CCDC178: variants seen among roughly 807,000 people sequenced by gnomAD.
CCDC178 encodes the protein coiled-coil domain containing 178, also known as coiled-coil domain-containing protein 178.
A neutral mutation model predicts 117.4 loss-of-function variants in CCDC178; 126 were observed. The observed-to-expected ratio is 1.07, with a 90% CI of 0.93 to 1.24. CCDC178 has a LOEUF of 1.24. Among genes scored for constraint, CCDC178 ranks in the 50% most tolerant of loss-of-function variants. The pLI, the probability that CCDC178 is intolerant of heterozygous loss-of-function variation, is 0.00. For synonymous variants in CCDC178, 283 were observed against 313.4 expected (o/e 0.90, Z 1.02); for missense variants, 1,030 against 986.9 (o/e 1.04, Z -0.59).
chr18:32,937,845 A>C lies in CCDC178; in HGVS notation c.*166T>G. On this transcript the variant is annotated 3_prime_UTR_variant, in exon 23 of 23. Coordinates refer to ENST00000383096, the MANE Select transcript of CCDC178 (RefSeq NM_001105528.4). ...AAAGTCACCTGTTTCATTGTTATGGATTTGCTGTGAGTAAAAGAGTGGCAA... is the reference window on the plus strand; with the variant it reads ...AAAGTCACCTGTTTCATTGTTATGGCTTTGCTGTGAGTAAAAGAGTGGCAA... 1 of 603,562 alleles carries C rather than the reference A, an allele frequency of 1.7e-6. No individual in the cohort carries two copies. Among genetic ancestry groups the C allele is most frequent in the South Asian group, 2.1e-5 (1 of 48,408 alleles). 37.4% of individuals were successfully genotyped at this position (603,562 alleles called of 1,614,324 possible).
chr18:33,285,975 A>ATTTTTTTTT (rs60956262), intron 12 of CCDC178, among the ~76,000 whole-genome samples: 1 of 138,086 alleles, frequency 7.2e-6, no homozygotes. Context: ...AGCAATGTGT[A>ATTTTTTTTT]TTTTTTTTTT....
intron 20 of CCDC178, among the ~76,000 whole-genome samples, chr18:33,140,920 G>T (rs574353866): frequency 6.6e-6 from 1 of 152,142 alleles, no homozygotes. Flanking sequence ...CCCATAGGAG[G>T]TGATTGAGTT....
intron 5 of CCDC178, among the ~76,000 whole-genome samples, chr18:33,386,784 G>A (rs2063498420): frequency 6.6e-6 from 1 of 152,094 alleles, no homozygotes; most frequent in South Asian, 2.1e-4. Flanking sequence ...AAAACAGGAA[G>A]CATTCCCCTT....
At chr18:33,266,871 A>C in intron 14 of CCDC178, 45 bp downstream of exon 14, 1 of 1,434,416 alleles carries the variant, frequency 7.0e-7, no homozygotes, top group Non-Finnish European at 9.4e-7. Context: ...TGTATTTAAC[A>C]TATTGGATTA....
chr18:32,945,365 G>A (rs1452070689), intron 22 of CCDC178, among the ~76,000 whole-genome samples: 1 of 152,172 alleles, frequency 6.6e-6, no homozygotes, highest in South Asian at 2.1e-4. Flanking sequence ...TTATTTGTCT[G>A]ATTTACTTTA....
At chr18:33,084,358 T>C (rs1169615770) in intron 21 of CCDC178, among the ~76,000 whole-genome samples, 1 of 152,240 alleles carries the variant, frequency 6.6e-6, no homozygotes, top group Non-Finnish European at 1.5e-5. Context: ...TGTGCTGTTT[T>C]ATTGTCTTTT....
intron 21 of CCDC178, among the ~76,000 whole-genome samples, chr18:33,017,926 A>G (rs2056028417): frequency 6.6e-6 from 1 of 152,012 alleles, no homozygotes; most frequent in Admixed American, 6.6e-5. Flanking sequence ...AAAAAAAAAG[A>G]TAGATTGAAA....
At chr18:33,208,445 G>T (rs1248333860) in intron 20 of CCDC178, among the ~76,000 whole-genome samples, 1 of 151,938 alleles carries the variant, frequency 6.6e-6, no homozygotes, top group Non-Finnish European at 1.5e-5. Flanking sequence ...ATTTGGATGT[G>T]GTCATGATAT....
chr18:33,176,730 G>C (rs1057445687), intron 20 of CCDC178, among the ~76,000 whole-genome samples: 2 of 151,890 alleles, frequency 1.3e-5, no homozygotes, highest in African/African-American at 4.8e-5. Flanking sequence ...TACACTTTTT[G>C]TTTCATATTT....
In CCDC178 at chr18:33,223,117, T is replaced by C; in HGVS notation, c.1921A>G (p.Ile641Val). Reference protein sequence around the residue: ...KKGKKTLDALIETESKRSAIF... With the variant: ...KKGKKTLDALVETESKRSAIF... ...ACTTAAATTCTTACCTCAGTTTCTA[T>C]TAATGCATCAAGGGTTTTCTTCCCC... The change falls in exon 18 of 23, where the codon ATA becomes GTA. Residue 641 changes from isoleucine to valine, a missense_variant. Ile to Val is a conservative substitution (Grantham distance 29). Transcript: ENST00000383096. The C allele has an allele frequency of 2.5e-6, 4 of 1,598,092 alleles. No homozygotes were observed. The highest frequency in any genetic ancestry group is 2.6e-6 in the Non-Finnish European group (3 of 1,169,488).
chr18:33,074,995 G>T (rs1239700729), intron 21 of CCDC178, among the ~76,000 whole-genome samples: 2 of 152,178 alleles, frequency 1.3e-5, no homozygotes, highest in Admixed American at 6.5e-5. Flanking sequence ...TAGGAAAATT[G>T]TATGAGTGAT....
chr18:33,257,889 A>T (rs2059698973), intron 14 of CCDC178, among the ~76,000 whole-genome samples: 1 of 152,028 alleles, frequency 6.6e-6, no homozygotes, highest in African/African-American at 2.4e-5. Flanking sequence ...ATATGGCCTA[A>T]GGAGACATAT....
intron 11 of CCDC178, among the ~76,000 whole-genome samples, chr18:33,308,601 A>C (rs1460663416): frequency 6.6e-6 from 1 of 152,124 alleles, no homozygotes; most frequent in Non-Finnish European, 1.5e-5. Flanking sequence ...GGGAGGGGCC[A>C]GGGGTGGAAT....
chr18:32,964,020 A>G (rs910758923), intron 22 of CCDC178, among the ~76,000 whole-genome samples: 2 of 152,078 alleles, frequency 1.3e-5, no homozygotes, highest in African/African-American at 2.4e-5. Flanking sequence ...TTTACATTTT[A>G]CCCATATCAA....
chr18:33,335,541 A>C (rs1269669704), intron 9 of CCDC178, among the ~76,000 whole-genome samples: 1 of 151,632 alleles, frequency 6.6e-6, no homozygotes, highest in Non-Finnish European at 1.5e-5. Context: ...TTTTATTTAT[A>C]TTTTTCTCTC....
chr18:33,375,559 G>C (rs758636515), intron 5 of CCDC178, among the ~76,000 whole-genome samples: 2 of 152,132 alleles, frequency 1.3e-5, no homozygotes, highest in Non-Finnish European at 2.9e-5. Context: ...TACCCATTGA[G>C]AAGTTGATAT....
At chr18:33,091,284 G>C (rs2057457358) in intron 21 of CCDC178, among the ~76,000 whole-genome samples, 1 of 118,154 alleles carries the variant, frequency 8.5e-6, no homozygotes, top group African/African-American at 3.0e-5. Context: ...TTGGCAGATA[G>C]TTGTATTATC....
At chr18:33,358,039 T>C (rs931624912) in intron 6 of CCDC178, among the ~76,000 whole-genome samples, 12 of 151,996 alleles carry the variant, frequency 7.9e-5, no homozygotes, top group Admixed American at 7.9e-4. Flanking sequence ...CTATTGCCCC[T>C]GGCCTACAAA....
chr18:33,101,968 G>A (rs922499591), intron 20 of CCDC178, among the ~76,000 whole-genome samples: 1 of 151,796 alleles, frequency 6.6e-6, no homozygotes, highest in Non-Finnish European at 1.5e-5. Flanking sequence ...TGTTACATCA[G>A]AATTTAAATA....
Sources: gnomAD v4.1 joint callset for allele counts (sites outside exome capture counted in the v4.1 genomes callset) on GRCh38, gnomAD v4.1.1 for gene constraint, MANE v1.5 for transcripts, NCBI Gene and HGNC (gene_info 2026-07-23, HGNC 2026-07-21) for gene names.